Variants in PAK3 observed in about 807,000 individuals in gnomAD.
The protein encoded by PAK3 is serine/threonine-protein kinase PAK 3.
PAK3 carries 4 observed loss-of-function variants against 41.0 expected under a neutral mutation model. The observed-to-expected ratio is 0.10, with a 90% confidence interval of 0.05 to 0.22. The LOEUF is 0.22. Among genes scored for constraint, PAK3 ranks in the 10% least tolerant of loss-of-function variants. The pLI, the probability that PAK3 is intolerant of heterozygous loss-of-function variation, is 1.00. For missense variants in PAK3, 205 were observed against 409.9 expected, an observed-to-expected ratio of 0.50 and a Z score of 4.32; for synonymous variants, 146 against 139.6, an observed-to-expected ratio of 1.05 and a Z score of -0.32.
Position 111,167,369 on chromosome X carries a change from A to T in PAK3, c.766+3642A>T, listed in dbSNP as rs891237420. On this transcript the variant is annotated intron_variant, in intron 10 of 17. Coordinates refer to ENST00000372007, the MANE Select transcript of PAK3 (RefSeq NM_002578.5). ...CCATACCAGAGTGGACCTCATAAGC[A>T]TGGTGAAGAGTAGATGGCAGCCTCT... is the stretch of plus-strand genomic sequence containing the variant. 3.4e-4 allele frequency among the ~76,000 whole-genome samples: 38 copies of T among 111,060 alleles called. 2 individuals carry two copies. Among genetic ancestry groups the T allele is most frequent in the African/African-American group, 1.1e-3 (35 of 30,487 alleles).
chrX:111,086,794 A>T (rs960828898), intron 1 of PAK3, among the ~76,000 whole-genome samples: 1 of 111,711 alleles, frequency 9.0e-6, no homozygotes, highest in Non-Finnish European at 1.9e-5. Flanking sequence ...AGAAGCTTGA[A>T]TTTGAAAATA....
intron 1 of PAK3, among the ~76,000 whole-genome samples, chrX:111,077,530 A>T (rs978038413): frequency 2.7e-5 from 3 of 112,065 alleles, no homozygotes; most frequent in Non-Finnish European, 5.6e-5. Context: ...TTGATTTTTG[A>T]CAAAGATGCC....
chrX:111,121,449 A>AAAAT (rs1331273963), intron 4 of PAK3, among the ~76,000 whole-genome samples: 2 of 112,128 alleles, frequency 1.8e-5, no homozygotes, highest in African/African-American at 6.5e-5. Flanking sequence ...AATTTAGAAC[A>AAAAT]AAATAAAATT....
At chrX:111,166,480 TG>T (rs576237098) in intron 10 of PAK3, among the ~76,000 whole-genome samples, 11 of 110,915 alleles carry the variant, frequency 9.9e-5, no homozygotes. Flanking sequence ...TTTTATTTTT[TG>T]TACAGATGGG....
At chrX:111,095,826 C>T (rs1434163616), upstream of PAK3, among the ~76,000 whole-genome samples, 1 of 111,047 alleles carries the variant, frequency 9.0e-6, no homozygotes, top group Non-Finnish European at 1.9e-5. Context: ...CAGATTTCGT[C>T]CCCTGAAAAT....
At chrX:110,985,805 A>G (rs5943101) in intron 1 of PAK3, among the ~76,000 whole-genome samples, 2,309 of 112,379 alleles carry the variant, frequency 0.021, 28 homozygotes, top group Non-Finnish European at 0.032. Flanking sequence ...GAGCAAACTG[A>G]AACCCAGGTG....
chrX:111,027,884 A>G (rs2092291759), intron 1 of PAK3, among the ~76,000 whole-genome samples: 1 of 109,451 alleles, frequency 9.1e-6, no homozygotes, highest in Non-Finnish European at 1.9e-5. Flanking sequence ...TTATAGCAGC[A>G]CAATTTGCAA....
At chrX:110,978,512 A>G (rs917308800) in intron 1 of PAK3, among the ~76,000 whole-genome samples, 12 of 111,192 alleles carry the variant, frequency 1.1e-4, no homozygotes, top group Non-Finnish European at 5.7e-5. Flanking sequence ...TATTGAACTA[A>G]CTTTGCATCC....
intron 1 of PAK3, among the ~76,000 whole-genome samples, chrX:111,075,712 T>C (rs749068398): frequency 1.1e-3 from 129 of 112,533 alleles, no homozygotes; most frequent in Non-Finnish European, 2.1e-3. Context: ...GGAAGGGGGT[T>C]GCTGCCCTCC....
At chrX:110,969,094 AT>A (rs60724970) in intron 1 of PAK3, among the ~76,000 whole-genome samples, 147 of 40,582 alleles carry the variant, frequency 3.6e-3, no homozygotes, top group African/African-American at 7.8e-3. Context: ...GACCTGCCTA[AT>A]TTTTTTTTTT....
intron 1 of PAK3, among the ~76,000 whole-genome samples, chrX:111,086,701 G>T (rs1374594532): frequency 1.8e-5 from 2 of 111,431 alleles, no homozygotes; most frequent in Non-Finnish European, 3.8e-5. Context: ...TGTTAGCAGG[G>T]GTTTGTGGGG....
chrX:111,163,083 G>A (rs2094210559), intron 9 of PAK3, 37 bp downstream of exon 9: 1 of 1,161,637 alleles, frequency 8.6e-7, no homozygotes, highest in East Asian at 3.0e-5. Context: ...TGATTCAAAA[G>A]ATGCCCTTTG....
At chrX:110,950,652 A>G (rs2090723043) in intron 1 of PAK3, among the ~76,000 whole-genome samples, 1 of 111,845 alleles carries the variant, frequency 8.9e-6, no homozygotes, top group South Asian at 3.8e-4. Flanking sequence ...ATAACTGCAT[A>G]GTATTCTATT....
chrX:111,155,907 C>T (rs180941503), intron 8 of PAK3, among the ~76,000 whole-genome samples: 6 of 111,737 alleles, frequency 5.4e-5, no homozygotes, highest in Admixed American at 9.5e-5. Context: ...AAGGTTAAGG[C>T]GGAACCAAAT....
At chrX:111,182,303 A>G in intron 11 of PAK3, among the ~76,000 whole-genome samples, 1 of 110,485 alleles carries the variant, frequency 9.1e-6, no homozygotes, top group South Asian at 4.0e-4. Flanking sequence ...ACTATAACCC[A>G]CCGAGCTCCC....
At chrX:111,012,037 G>T (rs1192482802) in intron 1 of PAK3, among the ~76,000 whole-genome samples, 1 of 111,800 alleles carries the variant, frequency 8.9e-6, no homozygotes, top group Non-Finnish European at 1.9e-5. Context: ...CTTTTTGTCT[G>T]CCTGCTTTGC....
rs754602302 is a variant in PAK3 at position 111,196,424 on chromosome X, C to T, written c.1211-20C>T. 6.7e-5 allele frequency: 80 copies of T among 1,185,466 alleles called. No individual in the cohort carries two copies. The highest frequency in any genetic ancestry group is 8.8e-5 in the African/African-American group (5 of 56,791). On this transcript the variant is annotated intron_variant, in intron 15 of 17. Coordinates refer to ENST00000372007, the MANE Select transcript of PAK3 (RefSeq NM_002578.5). ...GGAAAATAATTTGGGCTTATTTTAACTGGCTTTTCTTCTCTGCAGCTGACT... is the reference window on the plus strand; with the variant it reads ...GGAAAATAATTTGGGCTTATTTTAATTGGCTTTTCTTCTCTGCAGCTGACT...
chrX:111,216,388 G>C (rs753883966), intron 16 of PAK3, 33 bp from the exon 17 acceptor site: 1 of 1,110,240 alleles, frequency 9.0e-7, no homozygotes, highest in Admixed American at 2.2e-5. Context: ...TAATATGTAT[G>C]TGCTGAATGG....
Position 111,226,990 on chromosome X carries a change from G to A in PAK3, c.*6543G>A, listed in dbSNP as rs187906239. On this transcript the variant is annotated 3_prime_UTR_variant, in exon 18 of 18. Transcript: ENST00000372007. ...ACAAAACAAGTTGAGAAGGATCCACGTTTTCATTGTTTATCAGAATTGTAT... is the reference window on the plus strand; with the variant it reads ...ACAAAACAAGTTGAGAAGGATCCACATTTTCATTGTTTATCAGAATTGTAT... 6.8e-4 allele frequency: 76 copies of A among 112,127 alleles called. No homozygotes were observed. The highest frequency in any genetic ancestry group is 2.3e-3 in the African/African-American group (72 of 30,907). The allele number at this position is 112,127 out of a possible 1,213,427, so 9.2% of individuals were successfully genotyped here.
Sources: allele counts gnomAD v4.1 joint callset (sites outside exome capture counted in the v4.1 genomes callset), GRCh38; gene constraint gnomAD v4.1.1; transcripts MANE v1.5; gene names NCBI Gene and HGNC (gene_info 2026-07-23, HGNC 2026-07-21).